EIF4G3: variants seen among roughly 807,000 people sequenced by gnomAD.
The protein encoded by EIF4G3 is eIF-4-gamma 3.
A neutral mutation model predicts 186.4 loss-of-function variants in EIF4G3; 34 were observed. The observed-to-expected ratio is 0.18, with a 90% CI of 0.14 to 0.24. The LOEUF (loss-of-function observed/expected upper bound fraction) is 0.24. EIF4G3 is among the 10% of genes least tolerant of loss of function. EIF4G3 has a pLI of 1.00. For synonymous variants in EIF4G3, 673 were observed against 679.5 expected (o/e 0.99, Z 0.15); for missense variants, 1,536 against 1,948.5 (o/e 0.79, Z 3.99).
At chr1:20,897,575 T>G (rs1386764993) in intron 16 of EIF4G3, among the ~76,000 whole-genome samples, 1 of 152,074 alleles carries the variant, frequency 6.6e-6, no homozygotes, top group Non-Finnish European at 1.5e-5. Context: ...AAAATCAGAC[T>G]CCAGATTACT....
chr1:21,003,709 G>A, intron 4 of EIF4G3: 1 of 394,480 alleles, frequency 2.5e-6, no homozygotes. Flanking sequence ...TCATATCTCA[G>A]GCTGATCACT....
At chr1:21,137,175 A>G (rs2097261295) in intron 2 of EIF4G3, among the ~76,000 whole-genome samples, 1 of 145,978 alleles carries the variant, frequency 6.9e-6, no homozygotes, top group Non-Finnish European at 1.5e-5. Flanking sequence ...ACTAGGTCTC[A>G]CTCTGTTGCT....
chr1:21,134,011 C>T (rs946062976), intron 2 of EIF4G3, among the ~76,000 whole-genome samples: 9 of 152,206 alleles, frequency 5.9e-5, no homozygotes, highest in Admixed American at 2.6e-4. Flanking sequence ...TCTATGCTTA[C>T]GCCTAAATAT....
chr1:21,162,465 G>C (rs917318058), intron 2 of EIF4G3, among the ~76,000 whole-genome samples: 1 of 121,504 alleles, frequency 8.2e-6, no homozygotes, highest in East Asian at 2.3e-4. Flanking sequence ...AAAAAAAAAA[G>C]GTGGGACACA....
intron 17 of EIF4G3, 35 bp downstream of exon 17, chr1:20,895,332 CA>C: frequency 6.3e-7 from 1 of 1,593,630 alleles, no homozygotes; most frequent in Non-Finnish European, 8.6e-7. Flanking sequence ...CAGTTCCCAC[CA>C]AAAAGAACTA....
chr1:21,102,684 C>T (rs936701442), intron 2 of EIF4G3, among the ~76,000 whole-genome samples: 3 of 152,146 alleles, frequency 2.0e-5, no homozygotes, highest in Non-Finnish European at 4.4e-5. Flanking sequence ...GTCATCTCTT[C>T]CACTCCATCC....
At chr1:20,828,029 G>GTTGTTTTT (rs1557811850) in intron 31 of EIF4G3, among the ~76,000 whole-genome samples, 2 of 127,416 alleles carry the variant, frequency 1.6e-5, no homozygotes, top group Non-Finnish European at 1.7e-5. Context: ...CTTTTATAAA[G>GTTGTTTTT]TTTTTTTTTT....
chr1:20,876,296 C>T (rs1475834298), intron 20 of EIF4G3, among the ~76,000 whole-genome samples: 1 of 119,300 alleles, frequency 8.4e-6, no homozygotes, highest in African/African-American at 3.2e-5. Flanking sequence ...GATAAATGAA[C>T]ATATGAGAGA....
chr1:21,153,769 T>C (rs1179322872), intron 2 of EIF4G3, among the ~76,000 whole-genome samples: 1 of 152,158 alleles, frequency 6.6e-6, no homozygotes, highest in African/African-American at 2.4e-5. Context: ...TTCACCATGT[T>C]GGCCAGGCTG....
intron 4 of EIF4G3, among the ~76,000 whole-genome samples, chr1:21,015,391 A>T (rs768528134): frequency 1.7e-4 from 26 of 152,132 alleles, no homozygotes; most frequent in Non-Finnish European, 3.1e-4. Context: ...ACATTTGAAG[A>T]CATGGATATA....
chr1:20,827,760 G>T, intron 31 of EIF4G3, 62 bp from the exon 32 acceptor site: 1 of 1,182,362 alleles, frequency 8.5e-7, no homozygotes. Flanking sequence ...TAGAACAAGA[G>T]GCAAACAATG....
At chr1:21,149,526 T>C (rs1205409389) in intron 2 of EIF4G3, among the ~76,000 whole-genome samples, 1 of 152,182 alleles carries the variant, frequency 6.6e-6, no homozygotes, top group Non-Finnish European at 1.5e-5. Flanking sequence ...CAGATCCTGG[T>C]GTTTTTACAT....
At chr1:20,950,488 G>A (rs1164841462) in intron 12 of EIF4G3, among the ~76,000 whole-genome samples, 1 of 152,044 alleles carries the variant, frequency 6.6e-6, no homozygotes, top group Non-Finnish European at 1.5e-5. Context: ...GACCAAGAAG[G>A]ATTTGGTCAA....
chr1:20,978,734 T>A (rs186903226), intron 10 of EIF4G3, among the ~76,000 whole-genome samples: 1 of 151,218 alleles, frequency 6.6e-6, no homozygotes, highest in East Asian at 1.9e-4. Flanking sequence ...AGGTTTCAGA[T>A]GCCCACTGGG....
At chr1:21,092,602 T>A (rs1163585320) in intron 2 of EIF4G3, among the ~76,000 whole-genome samples, 1 of 152,176 alleles carries the variant, frequency 6.6e-6, no homozygotes, top group African/African-American at 2.4e-5. Flanking sequence ...AAAACTACTT[T>A]AAAGTTCATC....
intron 7 of EIF4G3, among the ~76,000 whole-genome samples, chr1:20,995,766 C>T (rs1222437303): frequency 6.6e-6 from 1 of 152,136 alleles, no homozygotes; most frequent in African/African-American, 2.4e-5. Context: ...TCAATGGTAA[C>T]GTTAATTCCC....
Position 20,941,863 on chromosome 1 carries a change from T to G in EIF4G3, c.1291A>C (p.Ile431Leu). 1 of 1,614,212 alleles carries G rather than the reference T, an allele frequency of 6.2e-7. No homozygotes were observed. Reference sequence around the variant, plus strand: ...AATGGCAATACTTCCTGTTTTACTATTTCCACAATGCTCTCCGTGGCTGAT... The same window carrying G: ...AATGGCAATACTTCCTGTTTTACTAGTTCCACAATGCTCTCCGTGGCTGAT... The part of the protein sequence containing the change: ...KLSATESIVE[I>L]VKQEVLPLTL... Residue 431 changes from isoleucine (I) to leucine (L), a missense_variant, in exon 14 of 37, where the codon ATA becomes CTA. Physicochemically the swap from Ile to Leu is conservative, Grantham distance 5. Coordinates refer to ENST00000602326, the MANE Select transcript of EIF4G3 (RefSeq NM_001391906.1).
chr1:20,934,737 A>G (rs1573091389), intron 14 of EIF4G3, among the ~76,000 whole-genome samples: 1 of 152,132 alleles, frequency 6.6e-6, no homozygotes, highest in Admixed American at 6.5e-5. Context: ...AGTAGGAGTT[A>G]TAGTACTGAT....
intron 14 of EIF4G3, among the ~76,000 whole-genome samples, chr1:20,937,909 T>A (rs2095569447): frequency 6.6e-6 from 1 of 152,186 alleles, no homozygotes; most frequent in African/African-American, 2.4e-5. Flanking sequence ...GTGTGGCCAA[T>A]AACTGAGGCT....
Sources: allele counts gnomAD v4.1 joint callset (sites outside exome capture counted in the v4.1 genomes callset), GRCh38; gene constraint gnomAD v4.1.1; transcripts MANE v1.5; gene names NCBI Gene and HGNC (gene_info 2026-07-23, HGNC 2026-07-21).